The following DTNA variants were observed in gnomAD, a reference collection of about 807,000 sequenced individuals.
DTNA encodes the protein dystrobrevin alpha, also known as dystrophin-related protein 3.
Under a neutral mutation model 100.7 loss-of-function variants are expected in DTNA, and 43 were observed. That is an observed-to-expected ratio of 0.43 (90% CI 0.33 to 0.55). The LOEUF (loss-of-function observed/expected upper bound fraction) is 0.55. DTNA is among the 20% of genes least tolerant of loss of function. DTNA has a pLI of 0.04. For missense variants in DTNA, 798 were observed against 953.9 expected (o/e 0.84, Z 2.15); for synonymous variants, 349 against 347.9 (o/e 1.00, Z -0.04).
At chr18:34,740,558 G>T (rs911641518) in intron 1 of DTNA, among the ~76,000 whole-genome samples, 3 of 152,144 alleles carry the variant, frequency 2.0e-5, no homozygotes, top group Non-Finnish European at 4.4e-5. Flanking sequence ...TCTCAAAAGT[G>T]TGGGAGGATC....
At chr18:34,732,071 A>G (rs1483079196) in intron 1 of DTNA, among the ~76,000 whole-genome samples, 1 of 152,160 alleles carries the variant, frequency 6.6e-6, no homozygotes, top group Non-Finnish European at 1.5e-5. Flanking sequence ...AGTATCCCTG[A>G]AGCTGAAAAG....
chr18:34,650,890 T>C (rs534100934), intron 1 of DTNA, among the ~76,000 whole-genome samples: 4 of 152,216 alleles, frequency 2.6e-5, no homozygotes, highest in Non-Finnish European at 5.9e-5. Context: ...ATAGTTCTAC[T>C]ACCCTGAATC....
chr18:34,498,944 A>AT (rs1416284749), intron 1 of DTNA, among the ~76,000 whole-genome samples: 50 of 152,338 alleles, frequency 3.3e-4, no homozygotes, highest in African/African-American at 1.2e-3. Context: ...TGAGGTTCAT[A>AT]TGCAGTTGTA....
chr18:34,736,018 A>T (rs1439880863), intron 1 of DTNA, among the ~76,000 whole-genome samples: 2 of 152,188 alleles, frequency 1.3e-5, no homozygotes, highest in Admixed American at 1.3e-4. Flanking sequence ...CTCATTCAAA[A>T]ATTGAAGCCA....
intron 17 of DTNA, 125 bp downstream of exon 17, chr18:34,864,187 C>A: frequency 1.2e-6 from 1 of 820,580 alleles, no homozygotes; most frequent in Non-Finnish European, 2.0e-6. Context: ...TTGTTTCAAG[C>A]TCAGATGTAA....
chr18:34,532,454 T>G (rs1046289075), intron 1 of DTNA, among the ~76,000 whole-genome samples: 1 of 152,076 alleles, frequency 6.6e-6, no homozygotes, highest in African/African-American at 2.4e-5. Flanking sequence ...GAGATCATTC[T>G]ATGGAGGGTT....
At chr18:34,709,888 A>AT (rs1568277946), upstream of DTNA, among the ~76,000 whole-genome samples, 10 of 152,248 alleles carry the variant, frequency 6.6e-5, no homozygotes, top group South Asian at 1.9e-3. Context: ...ACATTACTGC[A>AT]TTTTTTAATG....
In DTNA at chr18:34,528,116, T is replaced by A. The variant is rs145978255; in HGVS notation, c.-2+34602T>A. 5.6e-3 allele frequency among the ~76,000 whole-genome samples: 857 copies of A among 152,230 alleles called. 5 individuals carry two copies. The highest frequency in any genetic ancestry group is 0.027 in the South Asian group (132 of 4,824). On this transcript the variant is annotated intron_variant, in intron 1 of 19. Transcript: ENST00000283365. ...GCTTCTGTTTTTAAAACTCCATCTG[T>A]TTCTAATACATGGCTTCTGTGAAGG...
intron 1 of DTNA, among the ~76,000 whole-genome samples, chr18:34,522,084 A>G (rs1340206141): frequency 6.6e-6 from 1 of 152,204 alleles, no homozygotes; most frequent in Non-Finnish European, 1.5e-5. Flanking sequence ...CTTATACATG[A>G]AATTCCTAAA....
At chr18:34,715,538 G>T (rs536909409) in intron 1 of DTNA, among the ~76,000 whole-genome samples, 18 of 151,940 alleles carry the variant, frequency 1.2e-4, no homozygotes, top group Middle Eastern at 3.4e-3. Flanking sequence ...ATTTTGATTT[G>T]TTTGGTGGAA....
intron 1 of DTNA, among the ~76,000 whole-genome samples, chr18:34,665,563 T>A (rs994147306): frequency 3.9e-5 from 6 of 152,278 alleles, no homozygotes; most frequent in Admixed American, 1.3e-4. Flanking sequence ...CCTAATGCTA[T>A]CCCTCCCCAC....
At chr18:34,749,128 T>C (rs2092020108) in intron 1 of DTNA, among the ~76,000 whole-genome samples, 3 of 152,226 alleles carry the variant, frequency 2.0e-5, no homozygotes, top group African/African-American at 7.2e-5. Flanking sequence ...TTGGTCATTG[T>C]TGGTGTATAT....
intron 4 of DTNA, among the ~76,000 whole-genome samples, chr18:34,804,945 G>C (rs901539855): frequency 6.6e-6 from 1 of 151,980 alleles, no homozygotes; most frequent in Admixed American, 6.6e-5. Flanking sequence ...ACAAAACCAC[G>C]ATTATTTATA....
chr18:34,770,610 T>C (rs2093714969), intron 3 of DTNA, among the ~76,000 whole-genome samples: 1 of 152,242 alleles, frequency 6.6e-6, no homozygotes, highest in South Asian at 2.1e-4. Flanking sequence ...CTAAAAGGAC[T>C]CTGAACAAGA....
intron 1 of DTNA, among the ~76,000 whole-genome samples, chr18:34,634,363 C>G (rs1052666181): frequency 6.6e-6 from 1 of 151,970 alleles, no homozygotes; most frequent in Non-Finnish European, 1.5e-5. Flanking sequence ...TTTTACTTAC[C>G]TATTAAGTCA....
chr18:34,646,901 A>G (rs9965177), intron 1 of DTNA, among the ~76,000 whole-genome samples: 9,731 of 151,906 alleles, frequency 0.064, 951 homozygotes, highest in African/African-American at 0.22. Flanking sequence ...TTTTTCGTAG[A>G]GACGGGGTTT....
intron 1 of DTNA, among the ~76,000 whole-genome samples, chr18:34,699,077 T>C (rs1206710128): frequency 6.6e-6 from 1 of 151,702 alleles, no homozygotes; most frequent in African/African-American, 2.4e-5. Flanking sequence ...ATAATATGCA[T>C]TTGAGATATG....
upstream of DTNA, among the ~76,000 whole-genome samples, chr18:34,708,493 TTAAC>T (rs2082390991): frequency 7.2e-5 from 11 of 152,256 alleles, no homozygotes; most frequent in South Asian, 2.3e-3. Flanking sequence ...ATGAAAAAAA[TTAAC>T]TACCATGTTT....
chr18:34,548,091 T>C (rs1044091784), intron 1 of DTNA, among the ~76,000 whole-genome samples: 1 of 152,174 alleles, frequency 6.6e-6, no homozygotes, highest in Non-Finnish European at 1.5e-5. Flanking sequence ...TCTTGAGGCT[T>C]AGGAGATTTA....
Sources: allele counts gnomAD v4.1 joint callset (sites outside exome capture counted in the v4.1 genomes callset), GRCh38; gene constraint gnomAD v4.1.1; transcripts MANE v1.5; gene names NCBI Gene and HGNC (gene_info 2026-07-23, HGNC 2026-07-21).